CHIC2: variants seen among roughly 807,000 people sequenced by gnomAD.
The protein encoded by CHIC2 is cysteine-rich hydrophobic domain-containing protein 2.
Under a neutral mutation model 25.9 loss-of-function variants are expected in CHIC2, and 14 were observed. The observed-to-expected ratio is 0.54, with a 90% CI of 0.36 to 0.85. CHIC2 has a LOEUF of 0.85. Ranked by LOEUF, CHIC2 falls within the 40% of genes least tolerant of loss-of-function variation. The probability of loss-of-function intolerance (pLI) is 0.01; values close to 1 mark genes in which losing one functional copy is unlikely to be tolerated. For missense variants in CHIC2, 146 were observed against 202.0 expected (o/e 0.72, Z 1.68); for synonymous variants, 70 against 72.0 (o/e 0.97, Z 0.14).
chr4:54,091,730 C>T, the CHIC2 span, among the ~76,000 whole-genome samples: 2 of 152,088 alleles, frequency 1.3e-5, no homozygotes, highest in African/African-American at 4.8e-5. Flanking sequence ...CATTCCCTAC[C>T]CTCATTCTAA....
At chr4:54,064,711 G>A (rs1450894782), upstream of CHIC2, 3 of 976,362 alleles carry the variant, frequency 3.1e-6, no homozygotes, top group Non-Finnish European at 3.7e-6. The surrounding 1 kb of genome is among the most constrained non-coding windows in gnomAD (Gnocchi z 4.2). Context: ...GTGGGCGAGC[G>A]GACTGGCTGG....
At chr4:54,075,481 G>T in the CHIC2 span, among the ~76,000 whole-genome samples, 1 of 152,102 alleles carries the variant, frequency 6.6e-6, no homozygotes, top group South Asian at 2.1e-4. Context: ...AACATGTAAA[G>T]GAATGCAATA....
chr4:54,070,124 G>C, the CHIC2 span, among the ~76,000 whole-genome samples: 3 of 152,192 alleles, frequency 2.0e-5, no homozygotes, highest in Non-Finnish European at 4.4e-5. Flanking sequence ...GAAGTAGAGA[G>C]AAGAGAGGAG....
the CHIC2 span, among the ~76,000 whole-genome samples, chr4:54,071,488 G>C: frequency 6.6e-6 from 1 of 152,194 alleles, no homozygotes; most frequent in South Asian, 2.1e-4. Context: ...AAGGAAGTTA[G>C]GTAACTTGGC....
At chr4:54,042,400 G>A (rs947089221) in intron 3 of CHIC2, among the ~76,000 whole-genome samples, 7 of 152,048 alleles carry the variant, frequency 4.6e-5, no homozygotes, top group Non-Finnish European at 1.0e-4. Flanking sequence ...TTTCAAAAAG[G>A]ATCTCAAGTT....
chr4:54,043,121 G>A (rs1293070426), intron 3 of CHIC2, among the ~76,000 whole-genome samples: 1 of 151,960 alleles, frequency 6.6e-6, no homozygotes, highest in Non-Finnish European at 1.5e-5. Context: ...GACCACCCTG[G>A]GCATAGAAAC....
At chr4:54,085,597 A>G in the CHIC2 span, among the ~76,000 whole-genome samples, 2 of 152,262 alleles carry the variant, frequency 1.3e-5, no homozygotes, top group African/African-American at 4.8e-5. Flanking sequence ...AGCTAACAAC[A>G]AGACAATATC....
intron 2 of CHIC2, 37 bp from the exon 3 acceptor site, chr4:54,049,147 ATT>A: frequency 6.3e-7 from 1 of 1,577,228 alleles, no homozygotes; most frequent in South Asian, 1.2e-5. Flanking sequence ...ACAATGCAAT[ATT>A]AATGTCAAAA....
intron 3 of CHIC2, among the ~76,000 whole-genome samples, chr4:54,033,158 T>C (rs1336032584): frequency 6.6e-6 from 1 of 152,230 alleles, no homozygotes; most frequent in Non-Finnish European, 1.5e-5. Flanking sequence ...ATTAAACCTC[T>C]TCATTATAAA....
At chr4:54,045,986 A>G (rs976618850) in intron 3 of CHIC2, among the ~76,000 whole-genome samples, 2 of 152,168 alleles carry the variant, frequency 1.3e-5, no homozygotes, top group Admixed American at 1.3e-4. Flanking sequence ...AAAAATCACA[A>G]GCATTCTTAT....
the CHIC2 span, among the ~76,000 whole-genome samples, chr4:54,088,684 A>G: frequency 7.2e-5 from 11 of 152,216 alleles, no homozygotes; most frequent in Non-Finnish European, 1.5e-5. Flanking sequence ...TTCTATTTCA[A>G]AACGATCCTT....
At chr4:54,077,281 T>C in the CHIC2 span, among the ~76,000 whole-genome samples, 2 of 152,226 alleles carry the variant, frequency 1.3e-5, no homozygotes, top group Non-Finnish European at 2.9e-5. Context: ...CCTTTCTAGT[T>C]GCCTCCTTCA....
At chr4:54,015,896 A>G (rs1715725278) in intron 3 of CHIC2, among the ~76,000 whole-genome samples, 2 of 152,342 alleles carry the variant, frequency 1.3e-5, no homozygotes, top group Admixed American at 6.5e-5. Flanking sequence ...ACAAGCTCAC[A>G]TTGACAGAGC....
At chr4:54,085,240 T>C in the CHIC2 span, among the ~76,000 whole-genome samples, 3 of 152,220 alleles carry the variant, frequency 2.0e-5, no homozygotes, top group Non-Finnish European at 4.4e-5. Context: ...ATCTTCTGAA[T>C]TATATTACCT....
At chr4:54,059,010 A>G (rs1215838972) in intron 1 of CHIC2, among the ~76,000 whole-genome samples, 1 of 152,190 alleles carries the variant, frequency 6.6e-6, no homozygotes, top group Non-Finnish European at 1.5e-5. Context: ...TTTGGACCAA[A>G]TGTCATATAA....
intron 3 of CHIC2, among the ~76,000 whole-genome samples, chr4:54,035,495 T>C (rs1367972309): frequency 1.3e-5 from 2 of 152,212 alleles, no homozygotes; most frequent in Admixed American, 6.5e-5. Context: ...TTTGTCCACT[T>C]TAAGGTGTTG....
chr4:54,068,354 G>A (rs1486241692), upstream of CHIC2, among the ~76,000 whole-genome samples: 2 of 152,218 alleles, frequency 1.3e-5, no homozygotes, highest in African/African-American at 2.4e-5. Flanking sequence ...TCATAAAAGA[G>A]GCCCCAGAGA....
At chr4:54,030,523 G>GAAAAAAAAAA (rs375404677) in intron 3 of CHIC2, among the ~76,000 whole-genome samples, 1 of 114,798 alleles carries the variant, frequency 8.7e-6, no homozygotes. Context: ...TATCTCAAAA[G>GAAAAAAAAAA]AAAAAAAAAA....
chr4:54,060,941 TC>T (rs1717315578), intron 1 of CHIC2: 1 of 152,116 alleles, frequency 6.6e-6, no homozygotes, highest in South Asian at 2.1e-4. Context: ...TTATTTTCCT[TC>T]CTTCCAATAC....
Sources: gnomAD v4.1 joint callset for allele counts (sites outside exome capture counted in the v4.1 genomes callset) on GRCh38, gnomAD v4.1.1 for gene constraint, Gnocchi (gnomAD v3.1) non-coding constraint, MANE v1.5 for transcripts, NCBI Gene and HGNC (gene_info 2026-07-23, HGNC 2026-07-21) for gene names.